The following CADPS2 variants were observed in gnomAD, a reference collection of about 807,000 sequenced individuals.
CADPS2 encodes calcium-dependent secretion activator 2.
Under a neutral mutation model 172.5 loss-of-function variants are expected in CADPS2, and 93 were observed. The observed-to-expected ratio is 0.54, with a 90% CI of 0.46 to 0.64. The LOEUF is 0.64. Among genes scored for constraint, CADPS2 ranks in the 30% least tolerant of loss-of-function variants. CADPS2 has a pLI of 0.00. For synonymous variants in CADPS2, 546 were observed against 555.2 expected, an observed-to-expected ratio of 0.98 and a Z score of 0.23; for missense variants, 1,420 against 1,565.9, an observed-to-expected ratio of 0.91 and a Z score of 1.57.
At chr7:122,387,221 T>A in intron 23 of CADPS2, 48 bp from the exon 24 acceptor site, 5 of 1,528,104 alleles carry the variant, frequency 3.3e-6, no homozygotes, top group Non-Finnish European at 4.4e-6. Flanking sequence ...GCTATACAGC[T>A]CACCTGTTTT....
chr7:122,583,356 T>C (rs544546003), intron 6 of CADPS2, among the ~76,000 whole-genome samples: 3 of 152,028 alleles, frequency 2.0e-5, no homozygotes, highest in African/African-American at 7.2e-5. Context: ...AGGAAAGCCC[T>C]TGTGTGCCCC....
At chr7:122,540,003 T>C (rs35546096) in intron 8 of CADPS2, among the ~76,000 whole-genome samples, 30,503 of 152,094 alleles carry the variant, frequency 0.2, 4,050 homozygotes, top group Non-Finnish European at 0.3. Flanking sequence ...ATATTTAATA[T>C]ATTTACTCTT....
intron 17 of CADPS2, among the ~76,000 whole-genome samples, chr7:122,423,299 T>C (rs1355122170): frequency 6.6e-6 from 1 of 152,134 alleles, no homozygotes; most frequent in African/African-American, 2.4e-5. Flanking sequence ...AGTGGGAAAT[T>C]AGGTACTTCC....
chr7:122,356,035 T>C (rs2039356937), intron 27 of CADPS2, among the ~76,000 whole-genome samples: 1 of 152,232 alleles, frequency 6.6e-6, no homozygotes, highest in Non-Finnish European at 1.5e-5. Context: ...TACATTAGTA[T>C]GGTACATTTC....
chr7:122,592,164 C>A (rs974362300), intron 6 of CADPS2, among the ~76,000 whole-genome samples: 106 of 151,812 alleles, frequency 7.0e-4, no homozygotes, highest in East Asian at 3.9e-4. Context: ...AACCCCATCA[C>A]AAAGTGGGCG....
At chr7:122,820,628 C>G (rs1195822172) in intron 1 of CADPS2, among the ~76,000 whole-genome samples, 2 of 120,712 alleles carry the variant, frequency 1.7e-5, no homozygotes, top group African/African-American at 6.6e-5. Flanking sequence ...GGCGCGATCT[C>G]GGCTCACTGC....
chr7:122,547,305 T>C (rs1020030185), intron 8 of CADPS2, among the ~76,000 whole-genome samples: 5 of 152,154 alleles, frequency 3.3e-5, no homozygotes, highest in African/African-American at 1.2e-4. Flanking sequence ...TATATTTCTT[T>C]TTAATACAGT....
chr7:122,743,136 AAACTT>A lies in CADPS2; in HGVS notation c.340-6073_340-6069del, dbSNP rs141776674. Reference sequence around the variant, plus strand: ...CATCCTATATAAAACTAAATTGCAGAAACTTAACTAAAACATAAATATAATTGCAA... The same window carrying A: ...CATCCTATATAAAACTAAATTGCAGAAACTAAAACATAAATATAATTGCAA... On this transcript the variant is annotated intron_variant, in intron 1 of 29. Transcript: ENST00000449022. 9.3e-4 allele frequency among the ~76,000 whole-genome samples: 142 copies of A among 152,318 alleles called. 1 individual carries two copies. The highest frequency in any genetic ancestry group is 3.3e-3 in the East Asian group (17 of 5,184).
intron 20 of CADPS2, among the ~76,000 whole-genome samples, chr7:122,401,830 G>A (rs2045990840): frequency 6.6e-6 from 1 of 152,026 alleles, no homozygotes; most frequent in East Asian, 1.9e-4. Flanking sequence ...TTTTGCTCTG[G>A]GAGTCAGTGA....
intron 16 of CADPS2, among the ~76,000 whole-genome samples, chr7:122,441,022 T>G (rs1047177693): frequency 3.3e-5 from 5 of 151,722 alleles, no homozygotes; most frequent in Non-Finnish European, 7.4e-5. Context: ...AATATGTGAA[T>G]TCATTTAAGG....
chr7:122,414,047 A>C (rs2151737599), intron 19 of CADPS2, 21 bp downstream of exon 19: 1 of 1,555,216 alleles, frequency 6.4e-7, no homozygotes, highest in East Asian at 2.4e-5. Flanking sequence ...CTAATAAAAT[A>C]GTGGAAATCA....
intron 11 of CADPS2, among the ~76,000 whole-genome samples, chr7:122,483,433 A>G (rs1208305295): frequency 6.6e-6 from 1 of 152,126 alleles, no homozygotes; most frequent in African/African-American, 2.4e-5. Flanking sequence ...AGCTAAAAGT[A>G]TTCATTACCA....
intron 3 of CADPS2, among the ~76,000 whole-genome samples, chr7:122,655,659 C>A (rs1563976661): frequency 6.6e-6 from 1 of 152,010 alleles, no homozygotes; most frequent in East Asian, 1.9e-4. Context: ...TGGCAGTGGT[C>A]TGGAACTGGA....
At position 122,387,038 on chromosome 7, in the gene CADPS2, A is replaced by C. The variant is rs374329379; in HGVS notation, c.3300T>G (p.Asp1100Glu). Residue 1100 changes from aspartate (D) to glutamate (E), a missense_variant, in exon 24 of 30, where the codon GAT becomes GAG. Coordinates refer to ENST00000449022, the MANE Select transcript of CADPS2 (RefSeq NM_017954.11). ...ACATTCTACATACCTCTTGTCCTCCATCCAGGGCACAGAGTTTGGTGCTTT... is the reference window on the plus strand; with the variant it reads ...ACATTCTACATACCTCTTGTCCTCCCTCCAGGGCACAGAGTTTGGTGCTTT... ...KKQSTKLCAL[D>E]GGQEQQYHSK... 5.8e-6 allele frequency: 9 copies of C among 1,557,370 alleles called. No individual in the cohort carries two copies. The highest frequency in any genetic ancestry group is 1.7e-4 in the Middle Eastern group (1 of 6,004).
intron 1 of CADPS2, among the ~76,000 whole-genome samples, chr7:122,817,009 TTGAC>T (rs1040221648): frequency 6.9e-6 from 1 of 144,708 alleles, no homozygotes. Context: ...GAACCCCCCT[TTGAC>T]TGTAATTTTC....
At chr7:122,563,035 A>G (rs1187100752) in intron 7 of CADPS2, among the ~76,000 whole-genome samples, 2 of 152,170 alleles carry the variant, frequency 1.3e-5, no homozygotes, top group African/African-American at 4.8e-5. Context: ...AGATTCCAAA[A>G]GACATAATCA....
At chr7:122,462,446 A>C (rs1382983141) in intron 14 of CADPS2, among the ~76,000 whole-genome samples, 7 of 152,022 alleles carry the variant, frequency 4.6e-5, no homozygotes, top group Non-Finnish European at 8.8e-5. Context: ...AACATGAGCC[A>C]AAAAAGAAAG....
At chr7:122,366,967 A>G (rs1348295225) in intron 25 of CADPS2, 1 of 152,102 alleles carries the variant, frequency 6.6e-6, no homozygotes, top group Non-Finnish European at 1.5e-5. Context: ...TGAATTCACC[A>G]CACTGTTTTC....
chr7:122,615,104 C>A (rs2074748208), intron 6 of CADPS2, 77 bp downstream of exon 6: 4 of 876,074 alleles, frequency 4.6e-6, no homozygotes, highest in Admixed American at 4.8e-5. Flanking sequence ...CATTTATGCA[C>A]ATAAACAGAG....
Sources: allele counts gnomAD v4.1 joint callset (sites outside exome capture counted in the v4.1 genomes callset), GRCh38; gene constraint gnomAD v4.1.1; transcripts MANE v1.5; gene names NCBI Gene and HGNC (gene_info 2026-07-23, HGNC 2026-07-21).